The following FLVCR1 variants were observed in gnomAD, a reference collection of about 807,000 sequenced individuals.
FLVCR1 encodes the protein choline/ethanolamine transporter FLVCR1.
Under a neutral mutation model 53.6 loss-of-function variants are expected in FLVCR1, and 34 were observed. The observed-to-expected ratio is 0.63, with a 90% CI of 0.48 to 0.84. The LOEUF (loss-of-function observed/expected upper bound fraction) is 0.84, where lower values mean the gene tolerates loss of function less well. FLVCR1 is among the 40% of genes least tolerant of loss of function. The probability of loss-of-function intolerance (pLI) is 0.00; values close to 1 mark genes in which losing one functional copy is unlikely to be tolerated. For missense variants in FLVCR1, 677 were observed against 696.7 expected (o/e 0.97, Z 0.32); for synonymous variants, 300 against 286.3 (o/e 1.05, Z -0.48).
Position 212,887,049 on chromosome 1 carries a change from C to T in FLVCR1, c.1197-842C>T, listed in dbSNP as rs184306398. Reference sequence around the variant, plus strand: ...ATGAATGAAATATGGAACTGTGTCCCGTGTACCTTTCAAGGCTCAAGATAT... The same window carrying T: ...ATGAATGAAATATGGAACTGTGTCCTGTGTACCTTTCAAGGCTCAAGATAT... On this transcript the variant is annotated intron_variant, in intron 5 of 9. Coordinates refer to ENST00000366971, the MANE Select transcript of FLVCR1 (RefSeq NM_014053.4). Among the ~76,000 whole-genome samples, 6 of 152,150 alleles carry T rather than the reference C, an allele frequency of 3.9e-5. No individual in the cohort carries two copies. In the East Asian group the frequency reaches 5.8e-4, roughly 15 times the overall value.
chr1:212,892,468 C>T (rs1423144836), intron 8 of FLVCR1, among the ~76,000 whole-genome samples: 3 of 152,292 alleles, frequency 2.0e-5, no homozygotes, highest in South Asian at 2.1e-4. Context: ...ACCTGAACCC[C>T]GTAGTTGATA....
In FLVCR1 at chr1:212,898,553, A is replaced by G. The variant is rs758255693; in HGVS notation, c.*3263A>G. On this transcript the variant is annotated 3_prime_UTR_variant, in exon 10 of 10. Transcript: ENST00000366971. ...AAGCATATACATATATGTTATGTTT[A>G]TTTTTCCTTGTTGATTAGAAAGGTG... The G allele has an allele frequency of 4.6e-5, 7 of 152,168 alleles. No homozygotes were observed. Among genetic ancestry groups the G allele is most frequent in the African/African-American group, 1.2e-4 (5 of 41,442 alleles). The allele number at this position is 152,168 out of a possible 1,614,324, so 9.4% of individuals were successfully genotyped here.
intron 3 of FLVCR1, among the ~76,000 whole-genome samples, chr1:212,879,282 T>C (rs1442989149): frequency 6.6e-6 from 1 of 152,108 alleles, no homozygotes; most frequent in East Asian, 1.9e-4. Context: ...AAAGTTCGAG[T>C]AGTTTCTCGA....
intron 3 of FLVCR1, among the ~76,000 whole-genome samples, chr1:212,873,696 A>G (rs943828833): frequency 2.0e-5 from 3 of 152,210 alleles, no homozygotes; most frequent in Non-Finnish European, 4.4e-5. Context: ...CACCATTTAC[A>G]TGAACACCAG....
At chr1:212,869,630 G>A (rs1045643536) in intron 2 of FLVCR1, among the ~76,000 whole-genome samples, 3 of 152,162 alleles carry the variant, frequency 2.0e-5, no homozygotes, top group East Asian at 1.9e-4. Flanking sequence ...AGCAACCTCC[G>A]CCTCCTGGGT....
Position 212,889,154 on chromosome 1 carries a change from A to C in FLVCR1, c.1422A>C (p.Gly474=), listed in dbSNP as rs766035997. 3 of 1,606,204 alleles carry C rather than the reference A, an allele frequency of 1.9e-6. No individual in the cohort carries two copies. The highest frequency in any genetic ancestry group is 2.6e-6 in the Non-Finnish European group (3 of 1,172,924). ...GLLNASAQIF[G]ILFTLAQGKL... ...TTCTTATTGTATTTTAGATATTTGG[A>C]ATTTTGTTCACATTGGCTCAAGGAA... Residue 474 remains glycine, a synonymous_variant, in exon 8 of 10, where the codon GGA becomes GGC. Transcript: ENST00000366971.
intron 1 of FLVCR1, among the ~76,000 whole-genome samples, chr1:212,862,172 A>G (rs540417052): frequency 1.3e-5 from 1 of 76,570 alleles, no homozygotes; most frequent in African/African-American, 3.1e-5. Flanking sequence ...TTGTTGAGGT[A>G]AAATTCACAT....
At chr1:212,868,246 G>A (rs965608249) in intron 2 of FLVCR1, among the ~76,000 whole-genome samples, 2 of 152,048 alleles carry the variant, frequency 1.3e-5, no homozygotes, top group Admixed American at 1.3e-4. Flanking sequence ...CTACAGGTGT[G>A]TGCTATCATG....
intron 2 of FLVCR1, among the ~76,000 whole-genome samples, chr1:212,871,896 A>T (rs920986014): frequency 6.6e-6 from 1 of 152,172 alleles, no homozygotes; most frequent in African/African-American, 2.4e-5. Context: ...TATGTCTCTT[A>T]GCTCTACCCC....
chr1:212,884,885 T>C (rs1181371727), intron 4 of FLVCR1, among the ~76,000 whole-genome samples: 1 of 152,196 alleles, frequency 6.6e-6, no homozygotes, highest in Admixed American at 6.6e-5. Flanking sequence ...TGTATCTAAA[T>C]ATATCTAAAC....
chr1:212,865,981 G>GTTTTTTTTTTTT lies in FLVCR1; in HGVS notation c.883+2122_883+2133dup, dbSNP rs1319691717. On this transcript the variant is annotated intron_variant, in intron 2 of 9. Transcript: ENST00000366971. ...GCATTTGGCTAATTTTTGGGGTTTG[G>GTTTTTTTTTTTT]TTTTTTTTTTTTTTTTTTTTTGAGA... is the stretch of plus-strand genomic sequence containing the variant. Among the ~76,000 whole-genome samples the GTTTTTTTTTTTT allele has an allele frequency of 4.6e-4, 19 of 41,306 alleles. 1 individual carries two copies. The highest frequency in any genetic ancestry group is 6.7e-4 in the Non-Finnish European group (11 of 16,380). 27.1% of individuals were successfully genotyped at this position (41,306 alleles called of 152,430 possible).
intron 3 of FLVCR1, among the ~76,000 whole-genome samples, chr1:212,878,195 C>A (rs977391972): frequency 6.6e-6 from 1 of 151,992 alleles, no homozygotes; most frequent in African/African-American, 2.4e-5. Context: ...TTAGTGATCA[C>A]CCATCTATTA....
chr1:212,859,508 A>G (rs546330119), intron 1 of FLVCR1, among the ~76,000 whole-genome samples: 12 of 152,258 alleles, frequency 7.9e-5, no homozygotes, highest in African/African-American at 2.9e-4. Context: ...ACTTCAAGTC[A>G]GGAGTTCCAG....
chr1:212,895,736 A>C lies in FLVCR1; in HGVS notation c.*446A>C, dbSNP rs1012991252. ...GGAACTAAATGTACAATATATTCCTAATTGGCTGCCTTTTTCACTGTGCTG... is the reference window on the plus strand; with the variant it reads ...GGAACTAAATGTACAATATATTCCTCATTGGCTGCCTTTTTCACTGTGCTG... On this transcript the variant is annotated 3_prime_UTR_variant, in exon 10 of 10. Transcript: ENST00000366971. The C allele has an allele frequency of 4.6e-6, 1 of 216,432 alleles. No individual in the cohort carries two copies. The highest frequency in any genetic ancestry group is 2.4e-5 in the African/African-American group (1 of 42,408). The allele number at this position is 216,432 out of a possible 1,614,324, so 13.4% of individuals were successfully genotyped here.
At chr1:212,892,655 G>A (rs1483821824) in intron 8 of FLVCR1, among the ~76,000 whole-genome samples, 1 of 152,176 alleles carries the variant, frequency 6.6e-6, no homozygotes, top group Non-Finnish European at 1.5e-5. Context: ...TGGAAACACA[G>A]CATCCCTTCT....
chr1:212,874,916 T>TACAAC (rs1553264373), intron 3 of FLVCR1, among the ~76,000 whole-genome samples: 4 of 149,362 alleles, frequency 2.7e-5, no homozygotes, highest in Non-Finnish European at 4.5e-5. Context: ...GTCACAGACG[T>TACAAC]ACACACACAC....
rs545776980 is a variant in FLVCR1, at chr1:212,881,428, T to G, written c.1025-1943T>G. Among the ~76,000 whole-genome samples, 129 of 148,348 alleles carry G rather than the reference T, an allele frequency of 8.7e-4. No individual in the cohort carries two copies. In the South Asian group the frequency reaches 0.027, roughly 32 times the overall value. On this transcript the variant is annotated intron_variant, in intron 3 of 9. Coordinates refer to ENST00000366971, the MANE Select transcript of FLVCR1 (RefSeq NM_014053.4). ...ATCTCGGCTCACTGCAACCTCCACC[T>G]CCCGGATTCAAGCAATTCTCCTGCC...
chr1:212,883,288 G>T, intron 3 of FLVCR1, 83 bp from the exon 4 acceptor site: 1 of 777,294 alleles, frequency 1.3e-6, no homozygotes. Flanking sequence ...GTCACTTCAT[G>T]AACTGGTAAA....
chr1:212,863,035 C>G (rs1236285339), intron 1 of FLVCR1, among the ~76,000 whole-genome samples: 1 of 152,104 alleles, frequency 6.6e-6, no homozygotes, highest in African/African-American at 2.4e-5. Flanking sequence ...TGTAATAGTT[C>G]TTTATATATT....
Sources: allele counts gnomAD v4.1 joint callset (sites outside exome capture counted in the v4.1 genomes callset), GRCh38; gene constraint gnomAD v4.1.1; transcripts MANE v1.5; gene names NCBI Gene and HGNC (gene_info 2026-07-23, HGNC 2026-07-21).